The following ISM1 variants were observed in gnomAD, a reference collection of about 807,000 sequenced individuals.
ISM1 encodes the protein isthmin-1.
A neutral mutation model predicts 46.3 loss-of-function variants in ISM1; 25 were observed. The observed-to-expected ratio is 0.54, with a 90% CI of 0.39 to 0.75. The LOEUF is 0.75. Among genes scored for constraint, ISM1 ranks in the 30% least tolerant of loss-of-function variants. The pLI, the probability that ISM1 is intolerant of heterozygous loss-of-function variation, is 0.00. For missense variants in ISM1, 536 were observed against 625.4 expected (o/e 0.86, Z 1.52); for synonymous variants, 255 against 256.7 (o/e 0.99, Z 0.06).
At chr20:13,295,273 A>ATTCATT (rs537969205) in intron 5 of ISM1, among the ~76,000 whole-genome samples, 124 of 152,254 alleles carry the variant, frequency 8.1e-4, no homozygotes, top group East Asian at 7.5e-3. Flanking sequence ...TCGGCTCTGA[A>ATTCATT]TTCATTTTCT....
rs531052000 is a variant in ISM1, at chr20:13,299,597, A to G, written c.*138A>G. 3 of 851,618 alleles carry G rather than the reference A, an allele frequency of 3.5e-6. No individual in the cohort carries two copies. The highest frequency in any genetic ancestry group is 3.6e-6 in the Non-Finnish European group (2 of 554,362). The allele number at this position is 851,618 out of a possible 1,614,324, so 52.8% of individuals were successfully genotyped here. ...TATACCACATGAGTATTTCTCATAC[A>G]TTACGCTAGGGGCGTGTGCCACGCC... On this transcript the variant is annotated 3_prime_UTR_variant, in exon 6 of 6. Coordinates refer to ENST00000262487, the MANE Select transcript of ISM1 (RefSeq NM_080826.2). This position sits in a 1 kb window ranked among gnomAD's most constrained non-coding sequence, Gnocchi z 5.8.
the ISM1 span, among the ~76,000 whole-genome samples, chr20:13,326,642 C>A: frequency 6.6e-6 from 1 of 152,030 alleles, no homozygotes; most frequent in African/African-American, 2.4e-5. Flanking sequence ...TGTTTCTTTG[C>A]CTTTCATAAA....
chr20:13,257,331 A>G (rs1300768853), intron 1 of ISM1, among the ~76,000 whole-genome samples: 1 of 152,220 alleles, frequency 6.6e-6, no homozygotes. Context: ...CCTGGCCAAC[A>G]TGGTGAAAAC....
At chr20:13,321,444 C>T in the ISM1 span, among the ~76,000 whole-genome samples, 59 of 152,198 alleles carry the variant, frequency 3.9e-4, no homozygotes, top group Admixed American at 9.2e-4. Context: ...GGGATTGTCG[C>T]TTGGATCCAA....
At chr20:13,245,590 C>G (rs971596667) in intron 1 of ISM1, among the ~76,000 whole-genome samples, 5 of 152,184 alleles carry the variant, frequency 3.3e-5, no homozygotes, top group African/African-American at 9.7e-5. Context: ...CCACATGTAC[C>G]TGCCCATTCC....
chr20:13,234,327 G>A (rs1372335647), intron 1 of ISM1, among the ~76,000 whole-genome samples: 1 of 152,166 alleles, frequency 6.6e-6, no homozygotes, highest in Non-Finnish European at 1.5e-5. Context: ...GTATTCCATG[G>A]TATATTTCTT....
the ISM1 span, among the ~76,000 whole-genome samples, chr20:13,313,664 A>T: frequency 1.3e-5 from 2 of 152,302 alleles, no homozygotes; most frequent in Middle Eastern, 3.4e-3. Flanking sequence ...ACACCTTACC[A>T]CATCACTAAA....
intron 1 of ISM1, among the ~76,000 whole-genome samples, chr20:13,241,946 C>A (rs1413489519): frequency 1.3e-5 from 2 of 151,716 alleles, no homozygotes; most frequent in African/African-American, 4.8e-5. Flanking sequence ...GAGTTGAGGG[C>A]CGTTGCAAGG....
chr20:13,246,804 C>T (rs537336787), intron 1 of ISM1, among the ~76,000 whole-genome samples: 138 of 152,280 alleles, frequency 9.1e-4, no homozygotes, highest in Non-Finnish European at 1.4e-3. Context: ...AATGTAAAAC[C>T]ACCTGACTGA....
At chr20:13,253,478 G>A (rs574340598) in intron 1 of ISM1, among the ~76,000 whole-genome samples, 1 of 152,242 alleles carries the variant, frequency 6.6e-6, no homozygotes, top group African/African-American at 2.4e-5. Context: ...ATCTCCCATT[G>A]CCAAAGTACC....
chr20:13,260,909 A>T (rs1373733263), intron 1 of ISM1, among the ~76,000 whole-genome samples: 1 of 152,160 alleles, frequency 6.6e-6, no homozygotes. Context: ...ATGGTCTAGG[A>T]CAGTCTCCAT....
At chr20:13,291,367 T>TG (rs1473942337) in intron 4 of ISM1, among the ~76,000 whole-genome samples, 6 of 152,208 alleles carry the variant, frequency 3.9e-5, no homozygotes, top group Non-Finnish European at 8.8e-5. Flanking sequence ...GAAAGACTCA[T>TG]GGGGCAAAGT....
In ISM1 at chr20:13,299,344, A is replaced by G; in HGVS notation, c.1280A>G (p.Lys427Arg). 1.2e-6 allele frequency: 2 copies of G among 1,613,958 alleles called. No individual in the cohort carries two copies. Among genetic ancestry groups the G allele is most frequent in the Non-Finnish European group, 1.7e-6 (2 of 1,179,894 alleles). Residue 427 changes from lysine to arginine, a missense_variant, in exon 6 of 6, where the codon AAG (lysine) becomes AGG (arginine). This residue lies in a region of ISM1 where 169 missense variants were observed against 249.3 expected (regional missense o/e 0.68). Coordinates refer to ENST00000262487, the MANE Select transcript of ISM1 (RefSeq NM_080826.2). The surrounding 1 kb of genome is among the most constrained non-coding windows in gnomAD (Gnocchi z 5.8). ...KVDVLPWIIC[K>R]GDWSRYNEAR... ...GACGTCCTGCCCTGGATTATCTGCA[A>G]GGGTGACTGGAGCAGGTATAACGAG...
At chr20:13,297,710 C>T (rs1368591043) in intron 5 of ISM1, among the ~76,000 whole-genome samples, 3 of 152,158 alleles carry the variant, frequency 2.0e-5, no homozygotes, top group South Asian at 2.1e-4. Context: ...CAGCATAATT[C>T]GATCTTTTGG....
chr20:13,311,258 TA>T, the ISM1 span, among the ~76,000 whole-genome samples: 73 of 118,624 alleles, frequency 6.2e-4, 1 homozygote, highest in African/African-American at 1.9e-3. Flanking sequence ...GATAGATAGA[TA>T]GATAGATAGA....
At chr20:13,308,500 C>T in the ISM1 span, among the ~76,000 whole-genome samples, 2 of 152,064 alleles carry the variant, frequency 1.3e-5, no homozygotes, top group Non-Finnish European at 2.9e-5. Flanking sequence ...GAATCTGCCA[C>T]ATAGCTGGAT....
At chr20:13,225,875 G>C (rs1003059662) in intron 1 of ISM1, among the ~76,000 whole-genome samples, 4 of 152,030 alleles carry the variant, frequency 2.6e-5, no homozygotes, top group Non-Finnish European at 5.9e-5. Flanking sequence ...AACATACATA[G>C]ATATGGATAT....
At chr20:13,260,431 C>T (rs1432042248) in intron 1 of ISM1, among the ~76,000 whole-genome samples, 1 of 152,110 alleles carries the variant, frequency 6.6e-6, no homozygotes, top group Non-Finnish European at 1.5e-5. Flanking sequence ...TTGGAATTTT[C>T]CAACAGGTTT....
At chr20:13,311,373 T>A in the ISM1 span, among the ~76,000 whole-genome samples, 1 of 152,162 alleles carries the variant, frequency 6.6e-6, no homozygotes, top group African/African-American at 2.4e-5. Flanking sequence ...GGAAACAGCA[T>A]GAAAGCTCCT....
Sources: allele counts gnomAD v4.1 joint callset (sites outside exome capture counted in the v4.1 genomes callset), GRCh38; gene constraint gnomAD v4.1.1; regional missense constraint gnomAD v4.1.1; non-coding constraint Gnocchi (gnomAD v3.1); transcripts MANE v1.5; gene names NCBI Gene and HGNC (gene_info 2026-07-23, HGNC 2026-07-21).